Variants in CCDC60 observed in about 807,000 individuals in gnomAD.
CCDC60 encodes coiled-coil domain containing 60, also known as coiled-coil domain-containing protein 60.
In CCDC60, 54 loss-of-function variants were observed where a neutral mutation model predicts 63.5. The ratio of observed to expected loss-of-function variants is 0.85; its 90% CI spans 0.68 to 1.07. The LOEUF (loss-of-function observed/expected upper bound fraction) is 1.07. Ranked by LOEUF, CCDC60 falls within the 50% of genes least tolerant of loss-of-function variation. The pLI is 0.00. For synonymous variants in CCDC60, 206 were observed against 238.8 expected (o/e 0.86, Z 1.27); for missense variants, 651 against 684.3 (o/e 0.95, Z 0.54).
intron 7 of CCDC60, among the ~76,000 whole-genome samples, chr12:119,508,746 A>ACAGGAAAGTTT: frequency 1.3e-5 from 2 of 152,208 alleles, no homozygotes; most frequent in Non-Finnish European, 2.9e-5. Flanking sequence ...AAGAGGAAGT[A>ACAGGAAAGTTT]TCTGGAAAGT....
intron 2 of CCDC60, among the ~76,000 whole-genome samples, chr12:119,441,600 T>G (rs1378040675): frequency 6.6e-6 from 1 of 152,222 alleles, no homozygotes; most frequent in Non-Finnish European, 1.5e-5. Flanking sequence ...AACATTTAGA[T>G]TTGTTCCTCT....
At chr12:119,425,446 TG>T (rs1384444933) in intron 1 of CCDC60, among the ~76,000 whole-genome samples, 1 of 152,228 alleles carries the variant, frequency 6.6e-6, no homozygotes, top group African/African-American at 2.4e-5. Flanking sequence ...GTCTCTTAGC[TG>T]TTTTGCCACT....
At chr12:119,360,428 G>C (rs1040893037) in intron 1 of CCDC60, among the ~76,000 whole-genome samples, 3 of 150,510 alleles carry the variant, frequency 2.0e-5, no homozygotes, top group African/African-American at 7.3e-5. Context: ...GGTGGCTGCC[G>C]GGCGGAGACG....
At position 119,433,626 on chromosome 12, in the gene CCDC60, G is replaced by GTT. The variant is rs1211949802; in HGVS notation, c.170+4865_170+4866dup. On this transcript the variant is annotated intron_variant, in intron 2 of 13. Coordinates refer to ENST00000327554, the MANE Select transcript of CCDC60 (RefSeq NM_178499.5). The stretch of plus-strand genomic sequence containing the variant: ...ATCCCAGTATTAAATGAGGCGAATT[G>GTT]TTAACAAAGATGATGTTGACTTTTC... 4.3e-6 allele frequency: 3 copies of GTT among 700,344 alleles called. No homozygotes were observed. In the South Asian group the frequency reaches 4.5e-5, roughly 10 times the overall value. The allele number at this position is 700,344 out of a possible 1,614,324, so 43.4% of individuals were successfully genotyped here. A position where few individuals can be genotyped will look rare whatever the true frequency, so the allele number is the denominator to read the frequency against.
At chr12:119,488,695 C>G in intron 4 of CCDC60, 64 bp from the exon 5 acceptor site, 1 of 1,388,078 alleles carries the variant, frequency 7.2e-7, no homozygotes, top group Non-Finnish European at 1.0e-6. Flanking sequence ...ATTTCTGTGG[C>G]TATTTTTGCG....
At chr12:119,519,855 A>AGTGT (rs903078634) in intron 8 of CCDC60, among the ~76,000 whole-genome samples, 31 of 127,120 alleles carry the variant, frequency 2.4e-4, no homozygotes, top group African/African-American at 6.2e-4. Flanking sequence ...AGAGAGAGAG[A>AGTGT]GTGTGTGTGT....
chr12:119,415,497 A>G (rs1347215611), intron 1 of CCDC60, among the ~76,000 whole-genome samples: 3 of 152,242 alleles, frequency 2.0e-5, no homozygotes, highest in Admixed American at 1.3e-4. Context: ...TCTAAAAACA[A>G]TAAGGAAAAT....
At chr12:119,519,588 G>A (rs953926659) in intron 8 of CCDC60, among the ~76,000 whole-genome samples, 1 of 150,764 alleles carries the variant, frequency 6.6e-6, no homozygotes, top group African/African-American at 2.4e-5. Context: ...TCAGCCTCCC[G>A]AGTAGGTGGG....
At chr12:119,390,382 CTAAA>C (rs1956135227) in intron 1 of CCDC60, among the ~76,000 whole-genome samples, 1 of 152,212 alleles carries the variant, frequency 6.6e-6, no homozygotes, top group South Asian at 2.1e-4. Context: ...ACTATAATAA[CTAAA>C]TAAATGTTTG....
At chr12:119,441,919 A>G (rs1472714651) in intron 2 of CCDC60, among the ~76,000 whole-genome samples, 1 of 152,236 alleles carries the variant, frequency 6.6e-6, no homozygotes, top group African/African-American at 2.4e-5. Context: ...AAAGTGAAAT[A>G]ATTGGCTCAT....
At chr12:119,405,326 C>T (rs1293321372) in intron 1 of CCDC60, among the ~76,000 whole-genome samples, 1 of 152,212 alleles carries the variant, frequency 6.6e-6, no homozygotes, top group Non-Finnish European at 1.5e-5. Context: ...ATAATTCTTA[C>T]TCAATTACAT....
At chr12:119,502,765 A>G (rs549435182) in intron 6 of CCDC60, among the ~76,000 whole-genome samples, 35 of 152,318 alleles carry the variant, frequency 2.3e-4, no homozygotes, top group African/African-American at 8.2e-4. Context: ...AAACTGAGGC[A>G]GGGCAGAGTG....
In CCDC60 at chr12:119,500,018, G is replaced by T; in HGVS notation, c.558-60G>T. The T allele has an allele frequency of 6.9e-6, 8 of 1,166,478 alleles. No homozygotes were observed. In the South Asian group the frequency reaches 8.6e-5, roughly 13 times the overall value. 72.3% of individuals were successfully genotyped at this position (1,166,478 alleles called of 1,614,324 possible). A position where few individuals can be genotyped will look rare whatever the true frequency, so the allele number is the denominator to read the frequency against. ...CCTCTATTTATTGCATTTCTTAAAA[G>T]AACTTGTAATAAACCAAGACTCTGG... On this transcript the variant is annotated intron_variant, in intron 5 of 13. Coordinates refer to ENST00000327554, the MANE Select transcript of CCDC60 (RefSeq NM_178499.5).
chr12:119,501,408 C>T (rs557740569), intron 6 of CCDC60, among the ~76,000 whole-genome samples: 7 of 152,256 alleles, frequency 4.6e-5, no homozygotes, highest in South Asian at 4.1e-4. Context: ...AAGTAACTTA[C>T]GTAAGGTTAC....
intron 1 of CCDC60, among the ~76,000 whole-genome samples, chr12:119,391,210 C>T (rs886578502): frequency 3.3e-5 from 5 of 152,194 alleles, no homozygotes; most frequent in Non-Finnish European, 5.9e-5. Flanking sequence ...ACCAGCAGCA[C>T]CTACTGTCAC....
chr12:119,533,969 G>A (rs1474451281), intron 13 of CCDC60, among the ~76,000 whole-genome samples: 2 of 152,156 alleles, frequency 1.3e-5, no homozygotes, highest in African/African-American at 2.4e-5. Flanking sequence ...GTCATTGGTA[G>A]CTTGATGGGG....
At chr12:119,363,513 A>C (rs1014307497) in intron 1 of CCDC60, among the ~76,000 whole-genome samples, 6 of 152,146 alleles carry the variant, frequency 3.9e-5, no homozygotes, top group African/African-American at 1.4e-4. Flanking sequence ...AAATTTAACA[A>C]AGTCAAATTT....
At chr12:119,392,172 G>A (rs971370150) in intron 1 of CCDC60, among the ~76,000 whole-genome samples, 2 of 152,144 alleles carry the variant, frequency 1.3e-5, no homozygotes, top group Non-Finnish European at 2.9e-5. Flanking sequence ...CCAGTGTAGT[G>A]GTCCCAAGAC....
At chr12:119,428,923 G>A (rs1593073591) in intron 2 of CCDC60, 161 bp downstream of exon 2, 2 of 520,340 alleles carry the variant, frequency 3.8e-6, no homozygotes, top group Middle Eastern at 5.0e-4. Flanking sequence ...CAGAGGGCAG[G>A]ATCGCTTTCT....
Sources: allele counts gnomAD v4.1 joint callset (sites outside exome capture counted in the v4.1 genomes callset), GRCh38; gene constraint gnomAD v4.1.1; transcripts MANE v1.5; gene names NCBI Gene and HGNC (gene_info 2026-07-23, HGNC 2026-07-21).